The following RAP1GAP2 variants were observed in gnomAD, a reference collection of about 807,000 sequenced individuals.
RAP1GAP2 encodes the protein rap1 GTPase-activating protein 2.
Under a neutral mutation model 95.0 loss-of-function variants are expected in RAP1GAP2, and 27 were observed. The observed-to-expected ratio is 0.28, with a 90% CI of 0.21 to 0.39. The LOEUF is 0.39. RAP1GAP2 is among the 10% of genes least tolerant of loss of function. The probability of loss-of-function intolerance (pLI) is 1.00; values close to 1 mark genes in which losing one functional copy is unlikely to be tolerated. For synonymous variants in RAP1GAP2, 373 were observed against 380.9 expected (o/e 0.98, Z 0.24); for missense variants, 771 against 970.0 (o/e 0.79, Z 2.72).
intron 2 of RAP1GAP2, among the ~76,000 whole-genome samples, chr17:2,839,626 C>G (rs903313490): frequency 6.6e-6 from 1 of 152,176 alleles, no homozygotes; most frequent in African/African-American, 2.4e-5. Context: ...TCCTTAGACT[C>G]CTCTTGGCTG....
chr17:3,012,343 C>A (rs143216905), intron 17 of RAP1GAP2, among the ~76,000 whole-genome samples: 1 of 151,932 alleles, frequency 6.6e-6, no homozygotes. Context: ...TTTGGCTGGG[C>A]GCGGTGGCTC....
At chr17:2,861,361 T>C (rs2072379808) in intron 2 of RAP1GAP2, among the ~76,000 whole-genome samples, 1 of 152,008 alleles carries the variant, frequency 6.6e-6, no homozygotes, top group East Asian at 1.9e-4. Context: ...CCTCTGGGTC[T>C]CCATTGCCCA....
At position 2,867,252 on chromosome 17, in the gene RAP1GAP2, A is replaced by G. The variant is rs561045887; in HGVS notation, c.81-38032A>G. Among the ~76,000 whole-genome samples, 492 of 152,302 alleles carry G rather than the reference A, an allele frequency of 3.2e-3. 14 individuals are homozygous for G. The highest frequency in any genetic ancestry group is 8.2e-4 in the Non-Finnish European group (56 of 68,032). On this transcript the variant is annotated intron_variant, in intron 2 of 24. Transcript: ENST00000254695. The surrounding 1 kb of genome is among the most constrained non-coding windows in gnomAD (Gnocchi z 4.5). ...CAAGAAACTTTTGGTTTGAAGTGGC[A>G]AGCCCCAATTCAAATTAATGTAAAG...
upstream of RAP1GAP2, among the ~76,000 whole-genome samples, chr17:2,791,796 G>T (rs1567651045): frequency 6.6e-6 from 1 of 152,108 alleles, no homozygotes; most frequent in Admixed American, 6.5e-5. Flanking sequence ...GAGGAAGCTG[G>T]GCTGTGCTTG....
At chr17:2,782,989 C>T (rs1324743891) in intron 1 of RAP1GAP2, among the ~76,000 whole-genome samples, 1 of 152,172 alleles carries the variant, frequency 6.6e-6, no homozygotes, top group African/African-American at 2.4e-5. Context: ...TGCACTCCAG[C>T]CTGGGTGACA....
Position 3,016,806 on chromosome 17 carries a change from C to T in RAP1GAP2, c.1495-1255C>T, listed in dbSNP as rs375031546. 8.5e-5 allele frequency among the ~76,000 whole-genome samples: 13 copies of T among 152,328 alleles called. No individual in the cohort carries two copies. The South Asian group carries it at 1.9e-3, about 22-fold the overall frequency. ...CACCAACATCTCTTTCACTCTAAGTCTCAGAGAAGCTGGGTCACCTGCCCG... is the reference window on the plus strand; with the variant it reads ...CACCAACATCTCTTTCACTCTAAGTTTCAGAGAAGCTGGGTCACCTGCCCG... On this transcript the variant is annotated intron_variant, in intron 17 of 24. Transcript: ENST00000254695.
rs981709716 is a variant in RAP1GAP2 at position 2,800,315 on chromosome 17, AG to A, written c.45-197del. On this transcript the variant is annotated intron_variant, in intron 1 of 24. Transcript: ENST00000254695. ...GGGAGAATAATAATACGCATGTTGT[AG>A]GGTGGTGTGTGGCCCCAGCTCTCCC... The A allele has an allele frequency of 8.2e-6, 7 of 857,762 alleles. No homozygotes were observed. The African/African-American group carries it at 1.3e-4, about 16-fold the overall frequency. 53.1% of individuals were successfully genotyped at this position (857,762 alleles called of 1,614,324 possible).
Position 2,771,225 on chromosome 17 carries a change from C to T in RAP1GAP2, c.167+780C>T, listed in dbSNP as rs201615465. Among the ~76,000 whole-genome samples the T allele has an allele frequency of 7.2e-5, 11 of 152,208 alleles. No homozygotes were observed. In the East Asian group the frequency reaches 1.6e-3, roughly 21 times the overall value. On this transcript the variant is annotated intron_variant, in intron 2 of 25. Coordinates refer to the RAP1GAP2 transcript ENST00000637138. Reference sequence around the variant, plus strand: ...TGGAGCCAGCCGTGCCTTCTTTGTCCGCCTCCTTTCCCATGCCAGAGAGTC... The same window carrying T: ...TGGAGCCAGCCGTGCCTTCTTTGTCTGCCTCCTTTCCCATGCCAGAGAGTC...
At chr17:2,921,391 C>T (rs1273225416) in intron 3 of RAP1GAP2, among the ~76,000 whole-genome samples, 8 of 151,930 alleles carry the variant, frequency 5.3e-5, no homozygotes, top group Admixed American at 6.6e-5. Context: ...TTAGTAGAGA[C>T]GGTGTTTTGC....
At chr17:2,801,594 GGTATGTGTGTGTGTGTGTGTGTGT>G (rs753107875) in intron 2 of RAP1GAP2, among the ~76,000 whole-genome samples, 4 of 125,962 alleles carry the variant, frequency 3.2e-5, no homozygotes, top group Non-Finnish European at 5.1e-5. Context: ...AACACTCCAG[GGTATGTGTGTGTGTGTGTGTGTGT>G]GTGTGTGTGT....
intron 3 of RAP1GAP2, among the ~76,000 whole-genome samples, chr17:2,947,498 G>A (rs1015427211): frequency 2.6e-5 from 4 of 152,176 alleles, no homozygotes; most frequent in South Asian, 4.1e-4. Flanking sequence ...CGCTTGCTTC[G>A]TTGCATCTTG....
At chr17:2,942,229 A>G (rs1378743933) in intron 3 of RAP1GAP2, among the ~76,000 whole-genome samples, 3 of 152,126 alleles carry the variant, frequency 2.0e-5, no homozygotes, top group Non-Finnish European at 4.4e-5. Flanking sequence ...AGGCGTATGG[A>G]AAGTGCCCAG....
chr17:2,828,110 G>C (rs1279011425), intron 2 of RAP1GAP2, among the ~76,000 whole-genome samples: 2 of 152,206 alleles, frequency 1.3e-5, no homozygotes, highest in Non-Finnish European at 2.9e-5. Context: ...GGAGGCCAAG[G>C]CTGGCGGATC....
intron 2 of RAP1GAP2, among the ~76,000 whole-genome samples, chr17:2,823,497 T>C (rs1266832956): frequency 7.2e-5 from 11 of 152,202 alleles, no homozygotes; most frequent in Admixed American, 7.2e-4. Context: ...TGACCATCCA[T>C]TCTTAGCCCA....
intron 1 of RAP1GAP2, among the ~76,000 whole-genome samples, chr17:2,790,070 T>G (rs368589353): frequency 6.6e-6 from 1 of 152,090 alleles, no homozygotes; most frequent in East Asian, 1.9e-4. Flanking sequence ...ATGCCCACTG[T>G]GCCCTGTTTC....
intron 3 of RAP1GAP2, among the ~76,000 whole-genome samples, chr17:2,915,293 C>T (rs746465034): frequency 2.7e-5 from 4 of 150,570 alleles, no homozygotes; most frequent in Non-Finnish European, 4.4e-5. Context: ...TGCAGTGGTG[C>T]GAACAGAGCT....
At position 2,902,111 on chromosome 17, in the gene RAP1GAP2, G is replaced by T. The variant is rs538432639; in HGVS notation, c.81-3173G>T. ...TCCTCGCCTCTTCTAGCCTCTGGCG[G>T]GGTCGGCAAGCCTCAGCATGCGTTG... On this transcript the variant is annotated intron_variant, in intron 2 of 24. Coordinates refer to ENST00000254695, the MANE Select transcript of RAP1GAP2 (RefSeq NM_015085.5). This position sits in a 1 kb window ranked among gnomAD's most constrained non-coding sequence, Gnocchi z 4.1. Among the ~76,000 whole-genome samples the T allele has an allele frequency of 6.6e-6, 1 of 152,348 alleles. No homozygotes were observed. Among genetic ancestry groups the T allele is most frequent in the East Asian group, 1.9e-4 (1 of 5,172 alleles).
At chr17:2,873,305 C>CAAAA (rs377575894) in intron 2 of RAP1GAP2, among the ~76,000 whole-genome samples, 102 of 95,552 alleles carry the variant, frequency 1.1e-3, no homozygotes, top group African/African-American at 3.7e-3. Context: ...ACCAAAAATA[C>CAAAA]AAAAAAAAAA....
chr17:2,998,083 C>T (rs1306145745), intron 13 of RAP1GAP2, 138 bp from the exon 14 acceptor site: 5 of 999,942 alleles, frequency 5.0e-6, no homozygotes, highest in Non-Finnish European at 7.4e-6. Flanking sequence ...ACTTAAACTT[C>T]CAAAACAACA....
Sources: gnomAD v4.1 joint callset for allele counts (sites outside exome capture counted in the v4.1 genomes callset) on GRCh38, gnomAD v4.1.1 for gene constraint, Gnocchi (gnomAD v3.1) non-coding constraint, MANE v1.5 for transcripts, NCBI Gene and HGNC (gene_info 2026-07-23, HGNC 2026-07-21) for gene names.